The following RNF220 variants were observed in gnomAD, a reference collection of about 807,000 sequenced individuals.
RNF220 encodes the protein ring finger protein 220.
RNF220 carries 7 observed loss-of-function variants against 67.1 expected under a neutral mutation model. That is an observed-to-expected ratio of 0.10 (90% CI 0.06 to 0.20). RNF220 has a LOEUF of 0.20. RNF220 is among the 10% of genes least tolerant of loss of function. RNF220 has a pLI of 1.00. For synonymous variants in RNF220, 270 were observed against 283.2 expected (o/e 0.95, Z 0.47); for missense variants, 565 against 740.3 (o/e 0.76, Z 2.75).
intron 2 of RNF220, among the ~76,000 whole-genome samples, chr1:44,461,898 A>C (rs1156506974): frequency 6.9e-6 from 1 of 145,704 alleles, no homozygotes; most frequent in East Asian, 2.0e-4. Flanking sequence ...TAAATGTATC[A>C]TATTTTTTTC....
At chr1:44,539,934 C>T (rs984876140) in intron 2 of RNF220, among the ~76,000 whole-genome samples, 4 of 152,142 alleles carry the variant, frequency 2.6e-5, no homozygotes, top group African/African-American at 7.2e-5. Context: ...CCAAACTCTT[C>T]GGCGTGGTAT....
At chr1:44,475,256 A>G (rs913075916) in intron 2 of RNF220, among the ~76,000 whole-genome samples, 1 of 152,196 alleles carries the variant, frequency 6.6e-6, no homozygotes, top group Admixed American at 6.5e-5. Flanking sequence ...ATGAATCTAT[A>G]TTTATATTTT....
chr1:44,530,779 C>T (rs528550480), intron 2 of RNF220, among the ~76,000 whole-genome samples: 9 of 152,158 alleles, frequency 5.9e-5, no homozygotes, highest in East Asian at 1.9e-4. Context: ...GCCTGACCAA[C>T]GTGGTAAAAC....
chr1:44,651,715 T>TAAAC lies in RNF220; in HGVS notation c.*942_*945dup, dbSNP rs1553132199. The stretch of plus-strand genomic sequence containing the variant: ...ACATTTGACATGGATTAAACCAGTA[T>TAAAC]AAACAGTTGCTGCCTGTGTGTTATG... On this transcript the variant is annotated 3_prime_UTR_variant, in exon 15 of 15. Coordinates refer to ENST00000361799, the MANE Select transcript of RNF220 (RefSeq NM_018150.4). 8 of 152,206 alleles carry TAAAC rather than the reference T, an allele frequency of 5.3e-5. No homozygotes were observed. Among genetic ancestry groups the TAAAC allele is most frequent in the African/African-American group, 1.7e-4 (7 of 41,368 alleles). 9.4% of individuals were successfully genotyped at this position (152,206 alleles called of 1,614,324 possible).
At chr1:44,499,315 C>T (rs1229922650) in intron 2 of RNF220, among the ~76,000 whole-genome samples, 1 of 152,146 alleles carries the variant, frequency 6.6e-6, no homozygotes. Context: ...CTTTAGGTCA[C>T]CCCCTCTCCT....
At chr1:44,566,136 G>T (rs1179915294) in intron 2 of RNF220, among the ~76,000 whole-genome samples, 1 of 152,146 alleles carries the variant, frequency 6.6e-6, no homozygotes, top group African/African-American at 2.4e-5. Flanking sequence ...TTCCCCAGGG[G>T]CAGGGACCCT....
intron 4 of RNF220, among the ~76,000 whole-genome samples, chr1:44,623,416 T>C (rs1643867673): frequency 6.6e-6 from 1 of 152,202 alleles, no homozygotes; most frequent in Non-Finnish European, 1.5e-5. Flanking sequence ...CTTAGCACAA[T>C]GACATTTGTA....
chr1:44,631,959 C>T (rs1644143656), intron 5 of RNF220: 1 of 993,750 alleles, frequency 1.0e-6, no homozygotes, highest in Non-Finnish European at 1.2e-6. Context: ...GGCGGCAGAT[C>T]ACGTGATTAG....
intron 2 of RNF220, among the ~76,000 whole-genome samples, chr1:44,494,625 T>C (rs1657166113): frequency 6.6e-6 from 1 of 151,928 alleles, no homozygotes; most frequent in African/African-American, 2.4e-5. Flanking sequence ...GAACACTAGA[T>C]TTAATATGCC....
intron 2 of RNF220, among the ~76,000 whole-genome samples, chr1:44,554,621 G>A (rs1662926203): frequency 6.6e-6 from 1 of 151,778 alleles, no homozygotes; most frequent in Non-Finnish European, 1.5e-5. Context: ...GGAGGGTCAG[G>A]AAGATCTACC....
intron 2 of RNF220, among the ~76,000 whole-genome samples, chr1:44,604,289 T>C (rs1210599618): frequency 6.6e-6 from 1 of 152,182 alleles, no homozygotes; most frequent in Non-Finnish European, 1.5e-5. Context: ...AATCAGGCCC[T>C]TCACTGTAGT....
intron 2 of RNF220, among the ~76,000 whole-genome samples, chr1:44,538,776 C>T (rs537801555): frequency 7.2e-5 from 11 of 151,802 alleles, no homozygotes; most frequent in Non-Finnish European, 1.6e-4. Context: ...ATTAGCTGGG[C>T]GTGGTGGCAG....
chr1:44,645,131 C>T lies in RNF220; in HGVS notation c.1310+50C>T. 6.2e-7 allele frequency: 1 copy of T among 1,613,132 alleles called. No homozygotes were observed. The highest frequency in any genetic ancestry group is 8.5e-7 in the Non-Finnish European group (1 of 1,179,122). On this transcript the variant is annotated intron_variant, in intron 10 of 14. Transcript: ENST00000361799. This position sits in a 1 kb window ranked among gnomAD's most constrained non-coding sequence, Gnocchi z 5.0. ...GGGTGGAGCAGAGAAACAGGAAGCC[C>T]TGAGGCAGGGGTTAACGCAGTACTG...
chr1:44,490,820 A>G (rs1291949113), intron 2 of RNF220, among the ~76,000 whole-genome samples: 2 of 152,114 alleles, frequency 1.3e-5, no homozygotes, highest in East Asian at 1.9e-4. Flanking sequence ...GGAAAGATCA[A>G]TAAATTGAAA....
intron 2 of RNF220, among the ~76,000 whole-genome samples, chr1:44,418,542 T>C (rs1648847360): frequency 6.6e-6 from 1 of 152,090 alleles, no homozygotes; most frequent in South Asian, 2.1e-4. Flanking sequence ...CGTTAAAGTC[T>C]GGGCAATTTC....
intron 2 of RNF220, among the ~76,000 whole-genome samples, chr1:44,569,611 G>A (rs926178944): frequency 1.3e-5 from 2 of 152,228 alleles, no homozygotes; most frequent in African/African-American, 2.4e-5. Flanking sequence ...GGCACCGCCT[G>A]TCAGGATGGG....
intron 2 of RNF220, among the ~76,000 whole-genome samples, chr1:44,421,313 G>T (rs1398113542): frequency 6.6e-6 from 1 of 152,172 alleles, no homozygotes; most frequent in Non-Finnish European, 1.5e-5. Flanking sequence ...ATTAGAATTT[G>T]TGTGTGATAG....
intron 2 of RNF220, among the ~76,000 whole-genome samples, chr1:44,421,670 T>C (rs1180288871): frequency 6.6e-6 from 1 of 152,158 alleles, no homozygotes; most frequent in African/African-American, 2.4e-5. Flanking sequence ...TCTGTGTGCA[T>C]TCTCCTAGGA....
intron 2 of RNF220, among the ~76,000 whole-genome samples, chr1:44,588,843 CT>C (rs1458141228): frequency 6.6e-6 from 1 of 152,218 alleles, no homozygotes; most frequent in East Asian, 1.9e-4. Flanking sequence ...GGGTGGACTT[CT>C]TCCTGCCATC....
Sources: allele counts gnomAD v4.1 joint callset (sites outside exome capture counted in the v4.1 genomes callset), GRCh38; gene constraint gnomAD v4.1.1; non-coding constraint Gnocchi (gnomAD v3.1); transcripts MANE v1.5; gene names NCBI Gene and HGNC (gene_info 2026-07-23, HGNC 2026-07-21).